The following RTCA variants were observed in gnomAD, a reference collection of about 807,000 sequenced individuals.
RTCA encodes the protein RNA 3'-terminal phosphate cyclase.
Under a neutral mutation model 46.1 loss-of-function variants are expected in RTCA, and 37 were observed. The observed-to-expected ratio is 0.80, with a 90% CI of 0.62 to 1.06. The LOEUF (loss-of-function observed/expected upper bound fraction) is 1.06. Ranked by LOEUF, RTCA falls within the 50% of genes least tolerant of loss-of-function variation. The probability of loss-of-function intolerance (pLI) is 0.00; values close to 1 mark genes in which losing one functional copy is unlikely to be tolerated. For missense variants in RTCA, 435 were observed against 455.5 expected (o/e 0.95, Z 0.41); for synonymous variants, 164 against 158.3 (o/e 1.04, Z -0.27).
intron 8 of RTCA, among the ~76,000 whole-genome samples, chr1:100,281,492 T>C (rs779152303): frequency 5.9e-5 from 9 of 152,212 alleles, no homozygotes; most frequent in Admixed American, 2.6e-4. Flanking sequence ...ATAGACAGAA[T>C]GTGTTTTGTC....
intron 8 of RTCA, among the ~76,000 whole-genome samples, chr1:100,285,027 A>G (rs1205085388): frequency 6.6e-6 from 1 of 152,218 alleles, no homozygotes; most frequent in Admixed American, 6.5e-5. Flanking sequence ...TAGTATATTT[A>G]AAGGTATAAG....
At chr1:100,287,245 T>G in intron 10 of RTCA, 42 bp downstream of exon 10, 1 of 1,422,842 alleles carries the variant, frequency 7.0e-7, no homozygotes, top group Non-Finnish European at 9.5e-7. Context: ...TTTTGATTTT[T>G]ATTTTAGCCA....
intron 3 of RTCA, among the ~76,000 whole-genome samples, chr1:100,269,919 G>A (rs1665993278): frequency 6.6e-6 from 1 of 152,130 alleles, no homozygotes; most frequent in South Asian, 2.1e-4. Flanking sequence ...TGCCACTTAT[G>A]AGTGAGAACA....
At position 100,285,505 on chromosome 1, in the gene RTCA, A is replaced by G. The variant is rs556357945; in HGVS notation, c.894+183A>G. Among the ~76,000 whole-genome samples, 40 of 152,324 alleles carry G rather than the reference A, an allele frequency of 2.6e-4. 1 individual carries two copies. In the South Asian group the frequency reaches 7.9e-3, roughly 30 times the overall value. On this transcript the variant is annotated intron_variant, in intron 9 of 10. Coordinates refer to ENST00000370128, the MANE Select transcript of RTCA (RefSeq NM_003729.4). ...AGCCCTCATTTTACTTTACGTGTCTACAGTGTTTTGCGCAATTGACCACTC... is the reference window on the plus strand; with the variant it reads ...AGCCCTCATTTTACTTTACGTGTCTGCAGTGTTTTGCGCAATTGACCACTC...
chr1:100,280,039 G>T (rs1666612787), intron 8 of RTCA, among the ~76,000 whole-genome samples: 1 of 152,218 alleles, frequency 6.6e-6, no homozygotes, highest in African/African-American at 2.4e-5. Flanking sequence ...TTACAATTCA[G>T]GTCAGAATGG....
At chr1:100,283,363 T>C (rs1212577425) in intron 8 of RTCA, among the ~76,000 whole-genome samples, 2 of 151,828 alleles carry the variant, frequency 1.3e-5, no homozygotes, top group African/African-American at 2.4e-5. Flanking sequence ...TATTTCACCA[T>C]GTTGGCCAGT....
intron 2 of RTCA, 161 bp downstream of exon 2, chr1:100,266,785 G>C: frequency 1.6e-6 from 1 of 615,988 alleles, no homozygotes; most frequent in East Asian, 2.8e-5. Flanking sequence ...GGTGGCCTGG[G>C]TTGTAAAGTC....
chr1:100,274,834 C>A lies in RTCA; in HGVS notation c.484C>A (p.Pro162Thr), dbSNP rs1210941516. 4 of 1,609,756 alleles carry A rather than the reference C, an allele frequency of 2.5e-6. No homozygotes were observed. Among genetic ancestry groups the A allele is most frequent in the Non-Finnish European group, 3.4e-6 (4 of 1,177,330 alleles). The change falls in exon 6 of 11, where the codon CCA (proline) becomes ACA (threonine). Residue 162 changes from proline to threonine, a missense_variant. Physicochemically the swap from Pro to Thr is conservative, Grantham distance 38 (BLOSUM62 -1). Coordinates refer to ENST00000370128, the MANE Select transcript of RTCA (RefSeq NM_003729.4). Reference protein sequence around the residue: ...NCDIKTRGYYPKGGGEVIVRM... With the variant: ...NCDIKTRGYYTKGGGEVIVRM... ...TTATACTTTTCATAGGGGATATTACCCAAAAGGGGGTGGTGAAGTGATTGT... is the reference window on the plus strand; with the variant it reads ...TTATACTTTTCATAGGGGATATTACACAAAAGGGGGTGGTGAAGTGATTGT...
rs1667346571 is a variant in RTCA, at chr1:100,291,411, T to G, written c.1008T>G (p.Phe336Leu). The G allele has an allele frequency of 1.9e-6, 3 of 1,607,052 alleles. No individual in the cohort carries two copies. Among genetic ancestry groups the G allele is most frequent in the Middle Eastern group, 1.7e-4 (1 of 5,934 alleles). Residue 336 changes from phenylalanine (F) to leucine (L), a missense_variant, in exon 11 of 11, where the codon TTT becomes TTG. Transcript: ENST00000370128. ...TCCTCTTCTGATTTCAGGCTAAATT[T>G]ATTGTGAAGAAATCAGAAGATGAAG... The part of the protein sequence containing the change: ...HFAEQIAKAK[F>L]IVKKSEDEED...
intron 6 of RTCA, 109 bp from the exon 7 acceptor site, chr1:100,275,487 AAAT>A (rs1487087401): frequency 6.5e-5 from 45 of 696,066 alleles, no homozygotes; most frequent in Middle Eastern, 2.7e-4. Context: ...TCAAGTTATT[AAAT>A]AATGCATGTA....
chr1:100,276,858 T>C lies in RTCA; in HGVS notation c.741-400T>C, dbSNP rs143494253. Among the ~76,000 whole-genome samples the C allele has an allele frequency of 1.6e-3, 246 of 152,360 alleles. 2 individuals are homozygous for C. Among genetic ancestry groups the C allele is most frequent in the African/African-American group, 3.8e-4 (16 of 41,576 alleles). On this transcript the variant is annotated intron_variant, in intron 7 of 10. Transcript: ENST00000370128. ...TTAAAGTAAACGCTTGCTCTACTTA[T>C]GATAACACTATCTAAAAACCGTAGA...
intron 2 of RTCA, 28 bp downstream of exon 2, chr1:100,266,652 C>T (rs1241405781): frequency 2.5e-6 from 4 of 1,574,352 alleles, no homozygotes; most frequent in Non-Finnish European, 2.6e-6. Flanking sequence ...GGGAGTTGGG[C>T]CGTGAAGCTG....
chr1:100,283,160 CTTTTTTTTTTT>C (rs71084815), intron 8 of RTCA, among the ~76,000 whole-genome samples: 1 of 102,106 alleles, frequency 9.8e-6, no homozygotes, highest in Non-Finnish European at 1.9e-5. Context: ...CCAAATATTC[CTTTTTTTTTTT>C]TTTTTTTTTT....
intron 6 of RTCA, among the ~76,000 whole-genome samples, 166 bp from the exon 7 acceptor site, chr1:100,275,433 T>C (rs931637733): frequency 1.3e-5 from 2 of 152,226 alleles, no homozygotes; most frequent in African/African-American, 4.8e-5. Flanking sequence ...AAAATAAAAT[T>C]AATTTGCATA....
chr1:100,270,123 TA>T (rs1290504212), intron 3 of RTCA, among the ~76,000 whole-genome samples: 2 of 152,250 alleles, frequency 1.3e-5, no homozygotes, highest in East Asian at 3.8e-4. Flanking sequence ...ATATAGTAAC[TA>T]ATCATATCCA....
intron 9 of RTCA, among the ~76,000 whole-genome samples, chr1:100,286,022 T>G (rs1667003100): frequency 6.6e-6 from 1 of 152,216 alleles, no homozygotes; most frequent in Non-Finnish European, 1.5e-5. Context: ...TTGTCCAGTC[T>G]CATGGCTTAA....
chr1:100,266,267 C>G lies in RTCA; in HGVS notation c.-109C>G. 2.2e-6 allele frequency: 3 copies of G among 1,391,028 alleles called. No individual in the cohort carries two copies. Among genetic ancestry groups the G allele is most frequent in the Admixed American group, 2.2e-5 (1 of 44,494 alleles). 86.2% of individuals were successfully genotyped at this position (1,391,028 alleles called of 1,614,324 possible). A position where few individuals can be genotyped will look rare whatever the true frequency, so the allele number is the denominator to read the frequency against. On this transcript the variant is annotated 5_prime_UTR_variant, in exon 1 of 11. Coordinates refer to ENST00000370128, the MANE Select transcript of RTCA (RefSeq NM_003729.4). ...CGCTTTCTCGTCAGGCTCCTGCGCC[C>G]CAGGCATGAACCAAGGTTTCTGAAC...
In RTCA at chr1:100,267,678, G is replaced by A. The variant is rs79031459; in HGVS notation, c.147-474G>A. ...TTTTTTTTTTTTTATAAGGACACCA[G>A]TAAGATTGTATGGTGGCCTTATTTT... On this transcript the variant is annotated intron_variant, in intron 2 of 10. Transcript: ENST00000370128. The A allele has an allele frequency of 2.9e-5, 24 of 826,326 alleles. No individual in the cohort carries two copies. In the East Asian group the frequency reaches 4.2e-4, roughly 14 times the overall value. The allele number at this position is 826,326 out of a possible 1,614,324, so 51.2% of individuals were successfully genotyped here.
intron 6 of RTCA, 105 bp downstream of exon 6, chr1:100,275,070 G>T: frequency 8.3e-7 from 1 of 1,199,596 alleles, no homozygotes; most frequent in Non-Finnish European, 1.2e-6. Context: ...TTTTTTTAAG[G>T]AAAGAAATAA....
Sources: allele counts gnomAD v4.1 joint callset (sites outside exome capture counted in the v4.1 genomes callset), GRCh38; gene constraint gnomAD v4.1.1; transcripts MANE v1.5; gene names NCBI Gene and HGNC (gene_info 2026-07-23, HGNC 2026-07-21).